INKA2: variants seen among roughly 807,000 people sequenced by gnomAD.
The protein encoded by INKA2 is PAK4-inhibitor INKA2.
Under a neutral mutation model 9.8 loss-of-function variants are expected in INKA2, and 3 were observed. That is an observed-to-expected ratio of 0.31 (90% CI 0.14 to 0.79). The LOEUF is 0.79. Ranked by LOEUF, INKA2 falls within the 30% of genes least tolerant of loss-of-function variation. The pLI, the probability that INKA2 is intolerant of heterozygous loss-of-function variation, is 0.62. For missense variants in INKA2, 392 were observed against 384.4 expected, an observed-to-expected ratio of 1.02 and a Z score of -0.17; for synonymous variants, 147 against 143.3, an observed-to-expected ratio of 1.03 and a Z score of -0.18.
At chr1:111,749,391 G>A (rs1663345190) in intron 1 of INKA2, among the ~76,000 whole-genome samples, 1 of 151,470 alleles carries the variant, frequency 6.6e-6, no homozygotes. Context: ...CAGCTGTGTG[G>A]GTGTGAGGTA....
chr1:111,724,698 C>T lies in INKA2; in HGVS notation c.*2270G>A, dbSNP rs146298602. The T allele has an allele frequency of 3.3e-5, 5 of 152,502 alleles. No individual in the cohort carries two copies. The highest frequency in any genetic ancestry group is 4.4e-5 in the Non-Finnish European group (3 of 68,060). The allele number at this position is 152,502 out of a possible 1,614,324, so 9.4% of individuals were successfully genotyped here. On this transcript the variant is annotated 3_prime_UTR_variant, in exon 2 of 2. Coordinates refer to ENST00000357260, the MANE Select transcript of INKA2 (RefSeq NM_019099.5). ...CACTCAAAACTGAAATGTTGGTATT[C>T]TCTGGGAAGACACAAAGGATTTGCA...
chr1:111,730,124 T>C (rs1662874217), intron 1 of INKA2, among the ~76,000 whole-genome samples: 1 of 152,202 alleles, frequency 6.6e-6, no homozygotes, highest in African/African-American at 2.4e-5. Context: ...CCCCTCTCTC[T>C]GGCCTCTTTG....
Position 111,723,408 on chromosome 1 carries a change from G to A in INKA2, c.*3560C>T. ...TGAAAGGTTGGGAAGAGAAAGGGAG[G>A]AGGGAGACCAGGCCGGCCCCACTAG... On this transcript the variant is annotated 3_prime_UTR_variant, in exon 2 of 2. Coordinates refer to ENST00000357260, the MANE Select transcript of INKA2 (RefSeq NM_019099.5). 1 of 386,516 alleles carries A rather than the reference G, an allele frequency of 2.6e-6. No individual in the cohort carries two copies. The highest frequency in any genetic ancestry group is 4.5e-6 in the Non-Finnish European group (1 of 223,728). The allele number at this position is 386,516 out of a possible 1,614,324, so 23.9% of individuals were successfully genotyped here. A position where few individuals can be genotyped will look rare whatever the true frequency, so the allele number is the denominator to read the frequency against.
chr1:111,729,834 G>A (rs923485409), intron 1 of INKA2, among the ~76,000 whole-genome samples: 1 of 152,236 alleles, frequency 6.6e-6, no homozygotes, highest in Non-Finnish European at 1.5e-5. Context: ...CCTGGCCCTG[G>A]GGGGGATGGG....
intron 1 of INKA2, 73 bp from the exon 2 acceptor site, chr1:111,727,877 A>G (rs754839891): frequency 4.1e-6 from 6 of 1,451,824 alleles, no homozygotes; most frequent in Non-Finnish European, 9.5e-7. Context: ...CCCTGAACTT[A>G]GGTCCCCCAC....
chr1:111,731,913 C>T (rs1307701780), intron 1 of INKA2, among the ~76,000 whole-genome samples: 1 of 152,204 alleles, frequency 6.6e-6, no homozygotes, highest in African/African-American at 2.4e-5. Flanking sequence ...TTTCCCTCCC[C>T]ACTCCTGCCC....
chr1:111,750,221 A>G (rs1663375463), intron 1 of INKA2, among the ~76,000 whole-genome samples: 1 of 152,232 alleles, frequency 6.6e-6, no homozygotes, highest in African/African-American at 2.4e-5. Context: ...AAAGCCAGTC[A>G]GGCAATCCCC....
chr1:111,726,712 C>CAG lies in INKA2; in HGVS notation c.*255_*256insCT, dbSNP rs1662778603. On this transcript the variant is annotated 3_prime_UTR_variant, in exon 2 of 2. Transcript: ENST00000357260. ...TGCATGCCAGACAGACACACACATGCACACACACACACACACACGCACAGC... is the reference window on the plus strand; with the variant it reads ...TGCATGCCAGACAGACACACACATGCAGACACACACACACACACACGCACAGC... The CAG allele has an allele frequency of 4.0e-6, 1 of 249,954 alleles. No homozygotes were observed. The highest frequency in any genetic ancestry group is 2.7e-5 in the African/African-American group (1 of 36,824). The allele number at this position is 249,954 out of a possible 1,614,324, so 15.5% of individuals were successfully genotyped here. A position where few individuals can be genotyped will look rare whatever the true frequency, so the allele number is the denominator to read the frequency against.
intron 1 of INKA2, among the ~76,000 whole-genome samples, chr1:111,734,856 AGAGCACT>A (rs1662980526): frequency 6.6e-6 from 1 of 152,178 alleles, no homozygotes; most frequent in Non-Finnish European, 1.5e-5. Context: ...TCCCTCTCTC[AGAGCACT>A]GAACCCGTGC....
chr1:111,752,230 G>A (rs1209685758), intron 1 of INKA2, among the ~76,000 whole-genome samples: 1 of 152,174 alleles, frequency 6.6e-6, no homozygotes, highest in South Asian at 2.1e-4. Flanking sequence ...TTCTCTACAA[G>A]GGCAAAATGA....
chr1:111,722,853 G>A lies in INKA2; in HGVS notation c.*4115C>T. ...ACTTTTGCCTTGGGTCACATGGTTA[G>A]TGCCTCTACTAAGGGGATGGGTTGT... On this transcript the variant is annotated 3_prime_UTR_variant, in exon 2 of 2. Coordinates refer to ENST00000357260, the MANE Select transcript of INKA2 (RefSeq NM_019099.5). The A allele has an allele frequency of 2.0e-6, 1 of 494,076 alleles. No individual in the cohort carries two copies. Among genetic ancestry groups the A allele is most frequent in the South Asian group, 2.8e-5 (1 of 35,126 alleles). The allele number at this position is 494,076 out of a possible 1,614,324, so 30.6% of individuals were successfully genotyped here. A position where few individuals can be genotyped will look rare whatever the true frequency, so the allele number is the denominator to read the frequency against.
rs116256442 is a variant in INKA2, at chr1:111,726,343, C to T, written c.*625G>A. 1.5e-3 allele frequency: 502 copies of T among 345,270 alleles called. No individual in the cohort carries two copies. Among genetic ancestry groups the T allele is most frequent in the African/African-American group, 9.8e-3 (464 of 47,354 alleles). 21.4% of individuals were successfully genotyped at this position (345,270 alleles called of 1,614,324 possible). ...CTGGCTGCTCCTTACACACTGTACT[C>T]CTTATTCAGCTCATTTTCTCAGAGT... On this transcript the variant is annotated 3_prime_UTR_variant, in exon 2 of 2. Transcript: ENST00000357260.
intron 1 of INKA2, chr1:111,755,377 G>C (rs1341067436): frequency 7.0e-6 from 3 of 429,698 alleles, no homozygotes; most frequent in African/African-American, 2.1e-5. Context: ...ACAGCAGATG[G>C]ACACACCAGC....
Position 111,726,040 on chromosome 1 carries a change from G to A in INKA2, c.*928C>T, listed in dbSNP as rs920550502. 1.8e-5 allele frequency: 7 copies of A among 398,598 alleles called. No individual in the cohort carries two copies. The highest frequency in any genetic ancestry group is 2.7e-5 in the Non-Finnish European group (6 of 226,170). The allele number at this position is 398,598 out of a possible 1,614,324, so 24.7% of individuals were successfully genotyped here. ...GCGTGAGCCACAGCGCCCAGCCTGC[G>A]GGGTGCTAAGAACTGTTGGGGAGGA... is the stretch of plus-strand genomic sequence containing the variant. On this transcript the variant is annotated 3_prime_UTR_variant, in exon 2 of 2. Coordinates refer to ENST00000357260, the MANE Select transcript of INKA2 (RefSeq NM_019099.5).
chr1:111,723,301 C>G lies in INKA2; in HGVS notation c.*3667G>C. On this transcript the variant is annotated 3_prime_UTR_variant, in exon 2 of 2. Coordinates refer to ENST00000357260, the MANE Select transcript of INKA2 (RefSeq NM_019099.5). ...GAGGACAGAGCAACCTTCTTTGGGG[C>G]AAGTTTGGGTTCAGAGATCACCCTG... is the stretch of plus-strand genomic sequence containing the variant. 1 of 516,462 alleles carries G rather than the reference C, an allele frequency of 1.9e-6. No individual in the cohort carries two copies. Among genetic ancestry groups the G allele is most frequent in the East Asian group, 3.4e-5 (1 of 29,814 alleles). 32.0% of individuals were successfully genotyped at this position (516,462 alleles called of 1,614,324 possible).
rs1026338367 is a variant in INKA2, at chr1:111,724,114, T to A, written c.*2854A>T. Reference sequence around the variant, plus strand: ...GAGAAGGAAGTAACAGAGGTGAAGGTGCTGGCACTTGTAAATCATGTTGGC... The same window carrying A: ...GAGAAGGAAGTAACAGAGGTGAAGGAGCTGGCACTTGTAAATCATGTTGGC... On this transcript the variant is annotated 3_prime_UTR_variant, in exon 2 of 2. Coordinates refer to ENST00000357260, the MANE Select transcript of INKA2 (RefSeq NM_019099.5). 1 of 152,214 alleles carries A rather than the reference T, an allele frequency of 6.6e-6. No homozygotes were observed. The highest frequency in any genetic ancestry group is 1.5e-5 in the Non-Finnish European group (1 of 68,034). The allele number at this position is 152,214 out of a possible 1,614,324, so 9.4% of individuals were successfully genotyped here.
upstream of INKA2, among the ~76,000 whole-genome samples, chr1:111,744,039 G>A (rs80108380): frequency 9.2e-5 from 14 of 152,358 alleles, no homozygotes; most frequent in African/African-American, 3.1e-4. Flanking sequence ...GTCTGTGTGG[G>A]AACACATTGG....
At chr1:111,736,118 T>G (rs1367768148) in intron 1 of INKA2, among the ~76,000 whole-genome samples, 2 of 152,176 alleles carry the variant, frequency 1.3e-5, no homozygotes, top group Non-Finnish European at 2.9e-5. Context: ...GCAGGGCCCC[T>G]CTTTGGCGGC....
At chr1:111,738,239 T>A (rs1320920243) in intron 1 of INKA2, among the ~76,000 whole-genome samples, 1 of 152,140 alleles carries the variant, frequency 6.6e-6, no homozygotes, top group Non-Finnish European at 1.5e-5. Flanking sequence ...TGGGGCTGTA[T>A]GTGCATAACA....
Sources: gnomAD v4.1 joint callset for allele counts (sites outside exome capture counted in the v4.1 genomes callset) on GRCh38, gnomAD v4.1.1 for gene constraint, MANE v1.5 for transcripts, NCBI Gene and HGNC (gene_info 2026-07-23, HGNC 2026-07-21) for gene names.